Variants in CARD9 observed in about 807,000 individuals in gnomAD.
CARD9 encodes caspase recruitment domain family member 9.
CARD9 carries 53 observed loss-of-function variants against 66.0 expected under a neutral mutation model. The ratio of observed to expected loss-of-function variants is 0.80; its 90% confidence interval spans 0.64 to 1.01. The LOEUF is 1.01. Ranked by LOEUF, CARD9 falls within the 50% of genes least tolerant of loss-of-function variation. CARD9 has a pLI of 0.00. For missense variants in CARD9, 769 were observed against 743.2 expected (o/e 1.03, Z -0.40); for synonymous variants, 387 against 313.8 (o/e 1.23, Z -2.47).
chr9:136,370,119 TGGG>T (rs528779065), intron 6 of CARD9, 172 bp downstream of exon 6: 3 of 1,419,540 alleles, frequency 2.1e-6, no homozygotes, highest in Non-Finnish European at 2.8e-6. Flanking sequence ...GCCTTTGCCA[TGGG>T]GGGCAGGCGG....
intron 4 of CARD9, 51 bp downstream of exon 4, chr9:136,370,790 C>T: frequency 3.1e-6 from 5 of 1,600,654 alleles, no homozygotes; most frequent in Non-Finnish European, 4.3e-6. Context: ...GCCTGCAGAC[C>T]CCGCCAGGCC....
In CARD9 at chr9:136,371,417, C is replaced by T; in HGVS notation, c.229G>A (p.Val77Met). Residue 77 changes from valine (V) to methionine (M), a missense_variant, in exon 3 of 13, where the codon GTG (valine) becomes ATG (methionine). Physicochemically the swap from Val to Met is conservative, Grantham distance 21. Coordinates refer to ENST00000371732, the MANE Select transcript of CARD9 (RefSeq NM_052813.5). Reference protein sequence around the residue: ...ILQRTGHKGYVAFLESLELYY... With the variant: ...ILQRTGHKGYMAFLESLELYY... ...AGCTCCAGGCTCTCGAGGAAGGCCA[C>T]GTAGCCCTTGTGGCCGGTCCGCTGC... 6 of 1,589,598 alleles carry T rather than the reference C, an allele frequency of 3.8e-6. No homozygotes were observed. The highest frequency in any genetic ancestry group is 1.1e-5 in the South Asian group (1 of 87,926).
intron 1 of CARD9, among the ~76,000 whole-genome samples, chr9:136,373,073 G>A (rs943483019): frequency 1.1e-4 from 17 of 152,350 alleles, no homozygotes; most frequent in Non-Finnish European, 2.2e-4. Flanking sequence ...AAGGCTGGGA[G>A]CAGCCACGTG....
At chr9:136,370,480 ACTGCCCTGCCTGGGCTGCAC>A in intron 5 of CARD9, 22 bp downstream of exon 5, 2 of 1,604,636 alleles carry the variant, frequency 1.2e-6, no homozygotes, top group Non-Finnish European at 1.7e-6. Context: ...GAAGGCCCCC[ACTGCCCTGCCTGGGCTGCAC>A]CTGCCCTGCC....
At chr9:136,366,902 C>A in intron 9 of CARD9, 57 bp from the exon 10 acceptor site, 1 of 1,582,490 alleles carries the variant, frequency 6.3e-7, no homozygotes, top group African/African-American at 1.3e-5. Context: ...CTGGACCCGG[C>A]CACACTGCCC....
At position 136,364,577 on chromosome 9, in the gene CARD9, C is replaced by T. The variant is rs1410874141; in HGVS notation, c.1435-18G>A. ...CCTGCGTCCTGGAGAAGGGGGAAGG[C>T]TCGGGCTCCGGCCGGCTCCCCTGAG... On this transcript the variant is annotated intron_variant, in intron 11 of 12. Coordinates refer to ENST00000371732, the MANE Select transcript of CARD9 (RefSeq NM_052813.5). 2.0e-6 allele frequency: 3 copies of T among 1,534,912 alleles called. No individual in the cohort carries two copies. Among genetic ancestry groups the T allele is most frequent in the Non-Finnish European group, 2.6e-6 (3 of 1,144,738 alleles).
intron 1 of CARD9, 52 bp from the exon 2 acceptor site, chr9:136,372,146 G>T: frequency 6.3e-7 from 1 of 1,595,102 alleles, no homozygotes. Context: ...GCCCCCACCC[G>T]GGCCCAGCTC....
intron 11 of CARD9, 175 bp downstream of exon 11, chr9:136,364,966 T>G: frequency 1.6e-6 from 1 of 618,304 alleles, no homozygotes; most frequent in Non-Finnish European, 2.8e-6. Context: ...GAAAGGGGGA[T>G]CCACTTCGCA....
intron 2 of CARD9, 121 bp downstream of exon 2, chr9:136,371,774 C>T: frequency 6.8e-7 from 1 of 1,477,692 alleles, no homozygotes; most frequent in South Asian, 1.3e-5. Flanking sequence ...AGTCAGAGGC[C>T]AGGGGCAAAG....
At position 136,364,134 on chromosome 9, in the gene CARD9, G is replaced by A. The variant is rs1243728608; in HGVS notation, c.*168C>T. 6.4e-7 allele frequency: 1 copy of A among 1,550,540 alleles called. No individual in the cohort carries two copies. On this transcript the variant is annotated 3_prime_UTR_variant, in exon 13 of 13. Transcript: ENST00000371732. Reference sequence around the variant, plus strand: ...GCAAAATGAGTGCCGCTTAACAAACGGCCCCAATGCCCGGCAGTCCGGCTG... The same window carrying A: ...GCAAAATGAGTGCCGCTTAACAAACAGCCCCAATGCCCGGCAGTCCGGCTG...
intron 4 of CARD9, 26 bp from the exon 5 acceptor site, chr9:136,370,727 T>C (rs764104112): frequency 1.2e-6 from 2 of 1,612,596 alleles, no homozygotes; most frequent in South Asian, 1.1e-5. Flanking sequence ...TGAGCCTGGC[T>C]GTCCCCTCCA....
At chr9:136,365,115 A>T (rs779981916) in intron 11 of CARD9, 26 bp downstream of exon 11, 2 of 1,608,124 alleles carry the variant, frequency 1.2e-6, no homozygotes. Flanking sequence ...CACGGCTGGG[A>T]GGACCCCACC....
chr9:136,365,381 G>A, intron 10 of CARD9, 164 bp from the exon 11 acceptor site: 3 of 643,272 alleles, frequency 4.7e-6, no homozygotes, highest in South Asian at 1.8e-5. Context: ...TGAGACTGAG[G>A]CCTTATGGCC....
intron 9 of CARD9, 21 bp from the exon 10 acceptor site, chr9:136,366,866 G>T: frequency 6.2e-7 from 1 of 1,612,812 alleles, no homozygotes; most frequent in African/African-American, 1.3e-5. Flanking sequence ...GAGTCAAGAT[G>T]TCCCATTAGG....
intron 6 of CARD9, 34 bp downstream of exon 6, chr9:136,370,260 C>G: frequency 6.3e-7 from 1 of 1,589,784 alleles, no homozygotes; most frequent in Non-Finnish European, 8.5e-7. Flanking sequence ...TGGCTTGGAC[C>G]CCAGGGGCCA....
At chr9:136,370,184 G>A (rs1588724391) in intron 6 of CARD9, 110 bp downstream of exon 6, 5 of 1,502,698 alleles carry the variant, frequency 3.3e-6, no homozygotes, top group Non-Finnish European at 2.7e-6. Flanking sequence ...GAGTGGAGGC[G>A]CTGCACTGGG....
chr9:136,370,672 C>T lies in CARD9; in HGVS notation c.657G>A (p.Lys219=). The part of the protein sequence containing the change: ...EIDQLKHSLM[K]AEDDCKVERK... Reference sequence around the variant, plus strand: ...GCTCCACCTTGCAGTCGTCCTCGGCCTTCATGAGGCTGTGCTTGAGCTGGT... The same window carrying T: ...GCTCCACCTTGCAGTCGTCCTCGGCTTTCATGAGGCTGTGCTTGAGCTGGT... Residue 219 remains lysine, a synonymous_variant, in exon 5 of 13, where the codon AAG becomes AAA. Coordinates refer to ENST00000371732, the MANE Select transcript of CARD9 (RefSeq NM_052813.5). 1 of 1,612,792 alleles carries T rather than the reference C, an allele frequency of 6.2e-7. No individual in the cohort carries two copies. Among genetic ancestry groups the T allele is most frequent in the African/African-American group, 1.3e-5 (1 of 75,068 alleles).
At chr9:136,369,987 G>T in intron 6 of CARD9, 112 bp from the exon 7 acceptor site, 2 of 1,552,550 alleles carry the variant, frequency 1.3e-6, no homozygotes, top group Non-Finnish European at 1.7e-6. Flanking sequence ...TTGGGATGTC[G>T]GGGGAGGCCA....
intron 8 of CARD9, 34 bp downstream of exon 8, chr9:136,367,603 C>A: frequency 6.5e-7 from 1 of 1,540,400 alleles, no homozygotes. Flanking sequence ...TCCCACGCGC[C>A]GGCTCCCCTC....
Sources: allele counts gnomAD v4.1 joint callset (sites outside exome capture counted in the v4.1 genomes callset), GRCh38; gene constraint gnomAD v4.1.1; transcripts MANE v1.5; gene names NCBI Gene and HGNC (gene_info 2026-07-23, HGNC 2026-07-21).